Variants in CDCP1 observed in about 807,000 individuals in gnomAD.
CDCP1 encodes CUB domain containing protein 1, also known as CUB domain-containing protein 1.
Under a neutral mutation model 60.2 loss-of-function variants are expected in CDCP1, and 29 were observed. The ratio of observed to expected loss-of-function variants is 0.48; its 90% CI spans 0.36 to 0.66. The LOEUF is 0.66. Ranked by LOEUF, CDCP1 falls within the 30% of genes least tolerant of loss-of-function variation. The pLI, the probability that CDCP1 is intolerant of heterozygous loss-of-function variation, is 0.00. For missense variants in CDCP1, 876 were observed against 1,074.3 expected (o/e 0.82, Z 2.58); for synonymous variants, 387 against 431.1 (o/e 0.90, Z 1.27).
At chr3:45,099,124 CTT>C (rs1034563890) in intron 4 of CDCP1, among the ~76,000 whole-genome samples, 14 of 137,418 alleles carry the variant, frequency 1.0e-4, no homozygotes, top group Admixed American at 3.7e-4. Flanking sequence ...CTTTTCTTTT[CTT>C]TTTTTTTTTT....
chr3:45,104,029 T>A (rs983306431), intron 4 of CDCP1, among the ~76,000 whole-genome samples: 2 of 152,264 alleles, frequency 1.3e-5, no homozygotes, highest in African/African-American at 4.8e-5. Flanking sequence ...CCATAAGAGT[T>A]CTGTTGCCGT....
In CDCP1 at chr3:45,085,651, TC is replaced by T. The variant is rs1698175027; in HGVS notation, c.2497del (p.Glu833SerfsTer21). 5 of 1,611,982 alleles carry T rather than the reference TC, an allele frequency of 3.1e-6. No homozygotes were observed. Among genetic ancestry groups the T allele is most frequent in the Non-Finnish European group, 4.2e-6 (5 of 1,178,388 alleles). On this transcript the variant is annotated frameshift_variant, in exon 9 of 9. Transcript: ENST00000296129. LOFTEE classifies it high-confidence loss of function. The surrounding 1 kb of genome is among the most constrained non-coding windows in gnomAD (Gnocchi z 4.2). The stretch of plus-strand genomic sequence containing the variant: ...GAATGGATCAAGTTATTCTGCTGGC[TC>T]CATGGGCTCCTGAGTGTTCAGTAAG... ...IPLLNTQEPM[E>X]PAE
At chr3:45,107,371 T>C (rs1230295794) in intron 4 of CDCP1, among the ~76,000 whole-genome samples, 1 of 151,976 alleles carries the variant, frequency 6.6e-6, no homozygotes, top group Admixed American at 6.6e-5. Flanking sequence ...CACGCCCGGC[T>C]AATTTTTTGT....
At chr3:45,126,108 CTCTTTCTTTCTTTCTTTCTTTCTTTCTT>C (rs72581928) in intron 1 of CDCP1, among the ~76,000 whole-genome samples, 15 of 110,082 alleles carry the variant, frequency 1.4e-4, no homozygotes, top group African/African-American at 4.4e-4. Context: ...TTGTCTCTCT[CTCTTTCTTTCTTTCTTTCTTTCTTTCTT>C]TCTTTCTTTC....
intron 4 of CDCP1, among the ~76,000 whole-genome samples, chr3:45,109,410 A>AT (rs1467230182): frequency 1.3e-5 from 2 of 151,814 alleles, no homozygotes; most frequent in Non-Finnish European, 2.9e-5. Context: ...CTCCCACTTA[A>AT]TTTTTCTGCC....
At chr3:45,115,864 TG>T (rs1421791147) in intron 2 of CDCP1, among the ~76,000 whole-genome samples, 1 of 148,612 alleles carries the variant, frequency 6.7e-6, no homozygotes, top group African/African-American at 2.6e-5. Context: ...CCACCACGCC[TG>T]GCTAATTGTT....
intron 1 of CDCP1, among the ~76,000 whole-genome samples, chr3:45,140,282 A>T (rs1021868751): frequency 2.0e-5 from 3 of 152,184 alleles, no homozygotes; most frequent in Non-Finnish European, 4.4e-5. Context: ...TGGAGACTGT[A>T]TTTACCCAGA....
intron 8 of CDCP1, among the ~76,000 whole-genome samples, chr3:45,087,895 G>C (rs1373807569): frequency 1.3e-5 from 2 of 152,224 alleles, no homozygotes; most frequent in East Asian, 3.9e-4. Flanking sequence ...GGTGGCGGGT[G>C]CCTGTAGTCC....
chr3:45,117,572 T>G (rs1360070916), intron 2 of CDCP1, among the ~76,000 whole-genome samples: 1 of 151,912 alleles, frequency 6.6e-6, no homozygotes, highest in African/African-American at 2.4e-5. Context: ...ATGGATCAAT[T>G]GCTCTATCTT....
intron 4 of CDCP1, among the ~76,000 whole-genome samples, chr3:45,109,893 C>T (rs1698659011): frequency 6.6e-6 from 1 of 152,190 alleles, no homozygotes; most frequent in African/African-American, 2.4e-5. Flanking sequence ...TGGGCCAGAG[C>T]ACAGGCTCAG....
intron 2 of CDCP1, among the ~76,000 whole-genome samples, chr3:45,115,985 T>G (rs1007474822): frequency 1.3e-5 from 2 of 152,234 alleles, no homozygotes; most frequent in African/African-American, 4.8e-5. Flanking sequence ...GTATACTTTA[T>G]GTACTTATTA....
rs774969071 is a variant in CDCP1, at chr3:45,118,409, T to C, written c.292+3A>G. The C allele has an allele frequency of 8.1e-6, 13 of 1,607,632 alleles. No homozygotes were observed. The South Asian group carries it at 1.2e-4, about 15-fold the overall frequency. ...GTCAAACAGCTCACAAGTGTCTACT[T>C]ACCAATATTTTTCTGGATCTCTATG... On this transcript the variant is annotated splice_donor_region_variant and intron_variant, in intron 2 of 8. Coordinates refer to ENST00000296129, the MANE Select transcript of CDCP1 (RefSeq NM_022842.5).
chr3:45,121,733 G>A (rs551610574), intron 1 of CDCP1, among the ~76,000 whole-genome samples: 1 of 152,174 alleles, frequency 6.6e-6, no homozygotes, highest in African/African-American at 2.4e-5. Flanking sequence ...TGAGGGGACT[G>A]TTTTGTATCT....
intron 1 of CDCP1, among the ~76,000 whole-genome samples, chr3:45,130,435 T>C (rs1057018111): frequency 6.6e-6 from 1 of 152,172 alleles, no homozygotes; most frequent in Non-Finnish European, 1.5e-5. Flanking sequence ...AAACAATTCT[T>C]AAAACTCAGT....
chr3:45,132,910 A>G (rs1699122545), intron 1 of CDCP1, among the ~76,000 whole-genome samples: 1 of 152,150 alleles, frequency 6.6e-6, no homozygotes, highest in Non-Finnish European at 1.5e-5. Flanking sequence ...TGTGGGAAGG[A>G]TGGGATATCA....
At chr3:45,089,028 TAAAG>T (rs749668221) in intron 8 of CDCP1, 22 bp downstream of exon 8, 7 of 1,578,216 alleles carry the variant, frequency 4.4e-6, no homozygotes, top group Admixed American at 3.3e-5. Context: ...TCAAATCAGA[TAAAG>T]AGAGTAAGAG....
chr3:45,088,020 T>TAA (rs11423025), intron 8 of CDCP1, among the ~76,000 whole-genome samples: 58 of 149,226 alleles, frequency 3.9e-4, no homozygotes, highest in South Asian at 6.4e-4. Flanking sequence ...GACTCTGTCT[T>TAA]AAAAAAAAAA....
Position 45,084,401 on chromosome 3 carries a change from A to G in CDCP1, c.*1237T>C, listed in dbSNP as rs1452176784. On this transcript the variant is annotated 3_prime_UTR_variant, in exon 9 of 9. Transcript: ENST00000296129. ...CTGTGGCTATGTTGTCTTGCATGGC[A>G]AAAGGCTCTTCCAGGATGATGAAGG... 6.6e-6 allele frequency: 1 copy of G among 152,194 alleles called. No individual in the cohort carries two copies. Among genetic ancestry groups the G allele is most frequent in the East Asian group, 1.9e-4 (1 of 5,196 alleles). The allele number at this position is 152,194 out of a possible 1,614,324, so 9.4% of individuals were successfully genotyped here. A position where few individuals can be genotyped will look rare whatever the true frequency, so the allele number is the denominator to read the frequency against.
chr3:45,116,910 T>C (rs532101283), intron 2 of CDCP1, among the ~76,000 whole-genome samples: 2 of 152,228 alleles, frequency 1.3e-5, no homozygotes, highest in African/African-American at 4.8e-5. Flanking sequence ...ACACAGTCTC[T>C]TACAATTTTA....
Sources: allele counts gnomAD v4.1 joint callset (sites outside exome capture counted in the v4.1 genomes callset), GRCh38; gene constraint gnomAD v4.1.1; non-coding constraint Gnocchi (gnomAD v3.1); transcripts MANE v1.5; gene names NCBI Gene and HGNC (gene_info 2026-07-23, HGNC 2026-07-21).